The following ELAPOR1 variants were observed in gnomAD, a reference collection of about 807,000 sequenced individuals.
ELAPOR1 encodes endosome-lysosome associated apoptosis and autophagy regulator 1, also known as endosome/lysosome-associated apoptosis and autophagy regulator 1.
Under a neutral mutation model 119.7 loss-of-function variants are expected in ELAPOR1, and 77 were observed. The observed-to-expected ratio is 0.64, with a 90% CI of 0.54 to 0.78. ELAPOR1 has a LOEUF of 0.78. Among genes scored for constraint, ELAPOR1 ranks in the 30% least tolerant of loss-of-function variants. The pLI, the probability that ELAPOR1 is intolerant of heterozygous loss-of-function variation, is 0.00. For missense variants in ELAPOR1, 1,115 were observed against 1,270.4 expected (o/e 0.88, Z 1.86); for synonymous variants, 481 against 487.2 (o/e 0.99, Z 0.17).
At chr1:109,171,449 G>A (rs1040315758) in intron 3 of ELAPOR1, among the ~76,000 whole-genome samples, 11 of 152,068 alleles carry the variant, frequency 7.2e-5, no homozygotes, top group African/African-American at 2.7e-4. Flanking sequence ...CTACTCGGGA[G>A]GCTGAGACAG....
rs554868919 is a variant in ELAPOR1 at position 109,188,256 on chromosome 1, G to T, written c.1121G>T (p.Gly374Val). ...LEGAVKLPAS[G>V]VKTHCPPCNP... ...GGGGCAGTGAAGCTGCCTGCCTCTG[G>T]TGTGAAGACCCACTGCCCACCCTGC... is the stretch of plus-strand genomic sequence containing the variant. The change falls in exon 9 of 22, where the codon GGT becomes GTT. Residue 374 changes from glycine to valine, a missense_variant. Coordinates refer to ENST00000369939, the MANE Select transcript of ELAPOR1 (RefSeq NM_020775.5). 1 of 1,614,184 alleles carries T rather than the reference G, an allele frequency of 6.2e-7. No homozygotes were observed. Among genetic ancestry groups the T allele is most frequent in the Admixed American group, 1.7e-5 (1 of 60,028 alleles).
chr1:109,118,500 G>A (rs978169638), intron 1 of ELAPOR1, among the ~76,000 whole-genome samples: 2 of 152,076 alleles, frequency 1.3e-5, no homozygotes, highest in Admixed American at 6.6e-5. Flanking sequence ...GAGAGATGAG[G>A]CAAGGAGACC....
chr1:109,171,892 A>G lies in ELAPOR1; in HGVS notation c.494A>G (p.Tyr165Cys), dbSNP rs1408848305. ...TCCAAGTGGGTTCCCCGGGGCGACT[A>G]CATCGCCTCCAACACGGACGAATGC... is the stretch of plus-strand genomic sequence containing the variant. ...TSSKWVPRGD[Y>C]IASNTDECTA... Residue 165 changes from tyrosine (Y) to cysteine (C), a missense_variant, in exon 4 of 22, where the codon TAC (tyrosine) becomes TGC (cysteine). Tyr to Cys is a radical substitution (Grantham distance 194). Coordinates refer to ENST00000369939, the MANE Select transcript of ELAPOR1 (RefSeq NM_020775.5). 1.2e-6 allele frequency: 2 copies of G among 1,614,084 alleles called. No homozygotes were observed. The highest frequency in any genetic ancestry group is 1.7e-6 in the Non-Finnish European group (2 of 1,180,026).
chr1:109,117,524 T>C lies in ELAPOR1; in HGVS notation c.153+3188T>C, dbSNP rs561895884. ...CAGACATGGATTGGAATAAAATTTG[T>C]TGAATGAGTGATGCCATTTAGTAAG... On this transcript the variant is annotated intron_variant, in intron 1 of 21. Coordinates refer to ENST00000369939, the MANE Select transcript of ELAPOR1 (RefSeq NM_020775.5). 3.7e-4 allele frequency among the ~76,000 whole-genome samples: 57 copies of C among 152,330 alleles called. 1 individual carries two copies. In the East Asian group the frequency reaches 0.011, roughly 29 times the overall value.
At chr1:109,161,409 C>CAAAAAAAAAAA (rs59573644) in intron 1 of ELAPOR1, among the ~76,000 whole-genome samples, 1 of 56,336 alleles carries the variant, frequency 1.8e-5, no homozygotes, top group Non-Finnish European at 3.5e-5. Flanking sequence ...GACTCCGTCT[C>CAAAAAAAAAAA]AAAAAAAAAA....
Position 109,189,648 on chromosome 1 carries a change from T to C in ELAPOR1, c.1405T>C (p.Phe469Leu). 1 of 1,614,168 alleles carries C rather than the reference T, an allele frequency of 6.2e-7. No homozygotes were observed. The highest frequency in any genetic ancestry group is 8.5e-7 in the Non-Finnish European group (1 of 1,180,010). The change falls in exon 11 of 22, where the codon TTC (phenylalanine) becomes CTC (leucine). Residue 469 changes from phenylalanine (F) to leucine (L), a missense_variant. Phe to Leu is a conservative substitution (Grantham distance 22). Transcript: ENST00000369939. ...AGCTGCTGGAGCCTCAGACAATGAC[T>C]TCATGATTCTCACTCTGGTTGTGCC... ...YTAAGASDND[F>L]MILTLVVPGF... is the part of the protein sequence containing the mutation.
intron 21 of ELAPOR1, 60 bp from the exon 22 acceptor site, chr1:109,202,884 C>T: frequency 6.5e-7 from 1 of 1,531,698 alleles, no homozygotes; most frequent in Non-Finnish European, 9.1e-7. Flanking sequence ...CCATTTCTCT[C>T]CTTTGTCCCC....
chr1:109,200,972 T>C, intron 21 of ELAPOR1, 72 bp downstream of exon 21: 6 of 1,458,270 alleles, frequency 4.1e-6, no homozygotes, highest in Non-Finnish European at 5.7e-6. Context: ...AGACACTGAA[T>C]GGTCCTGTAC....
At chr1:109,141,090 A>G (rs898386712) in intron 1 of ELAPOR1, among the ~76,000 whole-genome samples, 2 of 152,090 alleles carry the variant, frequency 1.3e-5, no homozygotes, top group Non-Finnish European at 2.9e-5. Flanking sequence ...GATCTCAGGC[A>G]ATCCGCCTAC....
chr1:109,177,634 G>A (rs1482169210), intron 7 of ELAPOR1, among the ~76,000 whole-genome samples: 1 of 151,776 alleles, frequency 6.6e-6, no homozygotes, highest in African/African-American at 2.4e-5. Context: ...ACGCCACTAT[G>A]AGTGCAGTTT....
chr1:109,129,987 T>G (rs1328556276), intron 1 of ELAPOR1, among the ~76,000 whole-genome samples: 1 of 152,054 alleles, frequency 6.6e-6, no homozygotes, highest in Non-Finnish European at 1.5e-5. Context: ...AGAACCTTCC[T>G]TGCCTCTTCC....
intron 11 of ELAPOR1, 138 bp from the exon 12 acceptor site, chr1:109,191,228 G>T (rs1175049963): frequency 6.7e-6 from 4 of 597,760 alleles, no homozygotes; most frequent in Non-Finnish European, 1.2e-5. Flanking sequence ...TAGGAGGGCA[G>T]AATTGGATTT....
At chr1:109,144,147 C>T (rs1221088623) in intron 1 of ELAPOR1, among the ~76,000 whole-genome samples, 1 of 147,098 alleles carries the variant, frequency 6.8e-6, no homozygotes, top group Non-Finnish European at 1.5e-5. Flanking sequence ...GCAACCTCCA[C>T]TTCCCGGGTT....
In ELAPOR1 at chr1:109,165,303, C is replaced by G. The variant is rs1651518654; in HGVS notation, c.467+612C>G. On this transcript the variant is annotated intron_variant, in intron 3 of 21. Coordinates refer to ENST00000369939, the MANE Select transcript of ELAPOR1 (RefSeq NM_020775.5). ...ACCCTGTCTCATTGAAAAACAAAAA[C>G]CGGCAGGGCGCGGTGGCTCACGCCT... 2.6e-5 allele frequency among the ~76,000 whole-genome samples: 4 copies of G among 152,130 alleles called. 1 individual carries two copies. The highest frequency in any genetic ancestry group is 6.8e-3 in the Middle Eastern group (2 of 294).
chr1:109,183,588 C>CCTTTCTTCCTTT (rs1558058136), intron 7 of ELAPOR1, among the ~76,000 whole-genome samples: 51 of 113,114 alleles, frequency 4.5e-4, no homozygotes, highest in African/African-American at 1.2e-3. Flanking sequence ...TTCCTTCCTT[C>CCTTTCTTCCTTT]CTTCCTTCCT....
Position 109,197,641 on chromosome 1 carries a change from T to C in ELAPOR1, c.2289T>C (p.Ala763=). 6.2e-7 allele frequency: 1 copy of C among 1,614,058 alleles called. No homozygotes were observed. Among genetic ancestry groups the C allele is most frequent in the Non-Finnish European group, 8.5e-7 (1 of 1,179,966 alleles). Residue 763 remains alanine (A), a synonymous_variant, in exon 16 of 22, where the codon GCT becomes GCC. Transcript: ENST00000369939. ...AGVSSQPVSL[A]DRLIGVTTDM... is the part of the protein sequence containing the mutation. The stretch of plus-strand genomic sequence containing the variant: ...TTTCCTCACAGCCTGTCAGCCTTGC[T>C]GATCGACTTATTGGTGAGTAACTCC...
chr1:109,147,993 C>G (rs1650285947), intron 1 of ELAPOR1, among the ~76,000 whole-genome samples: 1 of 116,724 alleles, frequency 8.6e-6, no homozygotes, highest in Admixed American at 9.1e-5. Context: ...CCACGCCCGG[C>G]TAATTTTTTT....
At chr1:109,155,252 T>C (rs868787845) in intron 1 of ELAPOR1, among the ~76,000 whole-genome samples, 103 of 152,304 alleles carry the variant, frequency 6.8e-4, no homozygotes, top group South Asian at 1.0e-3. Context: ...CTCTGCTCAC[T>C]GCAAGCTCCG....
intron 2 of ELAPOR1, among the ~76,000 whole-genome samples, chr1:109,163,274 G>A (rs538333462): frequency 6.6e-6 from 1 of 152,214 alleles, no homozygotes; most frequent in African/African-American, 2.4e-5. Flanking sequence ...GTCAAGCTGG[G>A]AAGTTAGGCT....
Sources: allele counts gnomAD v4.1 joint callset (sites outside exome capture counted in the v4.1 genomes callset), GRCh38; gene constraint gnomAD v4.1.1; transcripts MANE v1.5; gene names NCBI Gene and HGNC (gene_info 2026-07-23, HGNC 2026-07-21).